Variants in CLEC16A observed in about 807,000 individuals in gnomAD.
The protein encoded by CLEC16A is protein CLEC16A.
A neutral mutation model predicts 109.5 loss-of-function variants in CLEC16A; 51 were observed. The observed-to-expected ratio is 0.47, with a 90% confidence interval of 0.37 to 0.59. The LOEUF is 0.59. CLEC16A is among the 20% of genes least tolerant of loss of function. The pLI is 0.00. For missense variants in CLEC16A, 1,339 were observed against 1,394.0 expected, an observed-to-expected ratio of 0.96 and a Z score of 0.63; for synonymous variants, 673 against 564.2, an observed-to-expected ratio of 1.19 and a Z score of -2.73.
intron 19 of CLEC16A, among the ~76,000 whole-genome samples, chr16:11,103,901 G>A (rs768094603): frequency 1.3e-5 from 2 of 152,188 alleles, no homozygotes; most frequent in Non-Finnish European, 1.5e-5. Flanking sequence ...GGCCTATGTC[G>A]GAGGAGAATC....
chr16:11,006,549 G>C (rs1398602303), intron 11 of CLEC16A, among the ~76,000 whole-genome samples: 1 of 152,210 alleles, frequency 6.6e-6, no homozygotes, highest in Non-Finnish European at 1.5e-5. Context: ...TAAGGAAAGA[G>C]ATGCTGACAC....
intron 21 of CLEC16A, among the ~76,000 whole-genome samples, chr16:11,124,823 A>T (rs958045259): frequency 1.3e-5 from 2 of 152,168 alleles, no homozygotes; most frequent in African/African-American, 4.8e-5. Flanking sequence ...ACGGTGGTTC[A>T]TGTCTGTAAT....
intron 11 of CLEC16A, among the ~76,000 whole-genome samples, chr16:11,004,067 C>G (rs892336832): frequency 6.6e-6 from 1 of 151,626 alleles, no homozygotes; most frequent in Non-Finnish European, 1.5e-5. Context: ...TAAGTCCTGT[C>G]TGTTTAGAAT....
At position 11,054,048 on chromosome 16, in the gene CLEC16A, C is replaced by A. The variant is rs141307070; in HGVS notation, c.1995+2407C>A. Among the ~76,000 whole-genome samples the A allele has an allele frequency of 1.6e-4, 24 of 152,372 alleles. No homozygotes were observed. The East Asian group carries it at 4.6e-3, about 29-fold the overall frequency. ...TAGGCCCAGAGACAGGTGGCACATT[C>A]TGGCACCAACACGGCAGTGATTGCA... On this transcript the variant is annotated intron_variant, in intron 18 of 23. Coordinates refer to ENST00000409790, the MANE Select transcript of CLEC16A (RefSeq NM_015226.3).
At chr16:11,058,585 A>G (rs1459488809) in intron 18 of CLEC16A, among the ~76,000 whole-genome samples, 1 of 151,798 alleles carries the variant, frequency 6.6e-6, no homozygotes, top group Admixed American at 6.6e-5. Context: ...GAACCCATGG[A>G]TACAGAGAGC....
At chr16:11,137,922 G>A (rs1363020084) in intron 22 of CLEC16A, among the ~76,000 whole-genome samples, 1 of 152,244 alleles carries the variant, frequency 6.6e-6, no homozygotes, top group Non-Finnish European at 1.5e-5. Context: ...TCAAAAGGCA[G>A]AGATGCAGCA....
intron 19 of CLEC16A, among the ~76,000 whole-genome samples, chr16:11,090,682 T>C (rs1446559148): frequency 6.6e-6 from 1 of 152,146 alleles, no homozygotes; most frequent in Non-Finnish European, 1.5e-5. Flanking sequence ...TCTCGCTCTG[T>C]TGTTCAGGCT....
At position 11,129,558 on chromosome 16, in the gene CLEC16A, A is replaced by G. The variant is rs74695836; in HGVS notation, c.2641+3412A>G. Among the ~76,000 whole-genome samples the G allele has an allele frequency of 9.3e-4, 141 of 152,344 alleles. 1 individual carries two copies. The highest frequency in any genetic ancestry group is 3.4e-3 in the Middle Eastern group (1 of 294). On this transcript the variant is annotated intron_variant, in intron 22 of 23. Coordinates refer to ENST00000409790, the MANE Select transcript of CLEC16A (RefSeq NM_015226.3). ...TATTTTTATGAAAACAAGGATTTCC[A>G]GACCACACTTTGAGACCCACTCCTG...
In CLEC16A at chr16:11,181,465, C is replaced by T. The variant is rs1463258484; in HGVS notation, c.*2775C>T. The T allele has an allele frequency of 3.3e-5, 5 of 152,396 alleles. No homozygotes were observed. Among genetic ancestry groups the T allele is most frequent in the African/African-American group, 1.2e-4 (5 of 41,474 alleles). The allele number at this position is 152,396 out of a possible 1,614,324, so 9.4% of individuals were successfully genotyped here. A position where few individuals can be genotyped will look rare whatever the true frequency, so the allele number is the denominator to read the frequency against. ...ATGGCCCAGGCCCTGGTCCACCCTTCCCCTGTGCACCTCCGGCTGGGTTTG... is the reference window on the plus strand; with the variant it reads ...ATGGCCCAGGCCCTGGTCCACCCTTTCCCTGTGCACCTCCGGCTGGGTTTG... On this transcript the variant is annotated 3_prime_UTR_variant, in exon 24 of 24. Transcript: ENST00000409790.
intron 10 of CLEC16A, among the ~76,000 whole-genome samples, chr16:10,994,046 G>C (rs1336721088): frequency 6.6e-6 from 1 of 152,224 alleles, no homozygotes; most frequent in African/African-American, 2.4e-5. Flanking sequence ...TGAGCACGCG[G>C]CTGCAAGAGG....
At chr16:11,008,015 A>G (rs972662315) in intron 11 of CLEC16A, among the ~76,000 whole-genome samples, 2 of 152,146 alleles carry the variant, frequency 1.3e-5, no homozygotes, top group Non-Finnish European at 2.9e-5. Context: ...GCTGGGCAGT[A>G]GAAGATAATA....
At chr16:11,009,495 G>A (rs1022210611) in intron 11 of CLEC16A, among the ~76,000 whole-genome samples, 7 of 152,158 alleles carry the variant, frequency 4.6e-5, no homozygotes, top group South Asian at 2.1e-4. Flanking sequence ...AAAATGAGTT[G>A]GAGATTTGAG....
intron 8 of CLEC16A, among the ~76,000 whole-genome samples, chr16:10,978,045 A>C (rs1459636844): frequency 6.6e-6 from 1 of 152,222 alleles, no homozygotes; most frequent in Non-Finnish European, 1.5e-5. Flanking sequence ...TAGTTGCCAG[A>C]ACCCACTGAT....
At chr16:11,025,303 A>T (rs1437939922) in intron 13 of CLEC16A, among the ~76,000 whole-genome samples, 1 of 152,208 alleles carries the variant, frequency 6.6e-6, no homozygotes, top group East Asian at 1.9e-4. Flanking sequence ...TGCTATTTAT[A>T]ACACTTGGTG....
intron 22 of CLEC16A, among the ~76,000 whole-genome samples, chr16:11,134,603 A>G (rs1471809672): frequency 6.6e-6 from 1 of 152,188 alleles, no homozygotes; most frequent in Non-Finnish European, 1.5e-5. Flanking sequence ...ATTTGGGGGA[A>G]TTTTGGAATA....
At position 11,174,322 on chromosome 16, in the gene CLEC16A, C is replaced by T. The variant is rs1364977718; in HGVS notation, c.2807-4013C>T. 2.3e-6 allele frequency: 1 copy of T among 430,296 alleles called. No individual in the cohort carries two copies. Among genetic ancestry groups the T allele is most frequent in the East Asian group, 7.4e-5 (1 of 13,560 alleles). 26.7% of individuals were successfully genotyped at this position (430,296 alleles called of 1,614,324 possible). ...CGCTCGGGCCGCGACGTCCACTCGC[C>T]ACGCTGCATTTCCACAGTCGGCAGG... On this transcript the variant is annotated intron_variant, in intron 23 of 23. Transcript: ENST00000409790. This position sits in a 1 kb window ranked among gnomAD's most constrained non-coding sequence, Gnocchi z 4.7.
chr16:11,160,050 A>G (rs1350951506), intron 22 of CLEC16A, among the ~76,000 whole-genome samples: 2 of 152,104 alleles, frequency 1.3e-5, no homozygotes, highest in Non-Finnish European at 2.9e-5. Context: ...CTTCCCTTTC[A>G]GCTCCCTAAA....
chr16:10,949,609 C>G (rs1237316960), intron 1 of CLEC16A, among the ~76,000 whole-genome samples: 1 of 152,162 alleles, frequency 6.6e-6, no homozygotes, highest in Non-Finnish European at 1.5e-5. Flanking sequence ...TTGGCAGTCT[C>G]CAGAGGCCAG....
intron 19 of CLEC16A, among the ~76,000 whole-genome samples, chr16:11,093,557 C>A (rs1308636210): frequency 2.0e-5 from 3 of 152,186 alleles, no homozygotes; most frequent in Non-Finnish European, 4.4e-5. Flanking sequence ...CATATCTATA[C>A]CGCCTGGCAC....
Sources: gnomAD v4.1 joint callset for allele counts (sites outside exome capture counted in the v4.1 genomes callset) on GRCh38, gnomAD v4.1.1 for gene constraint, Gnocchi (gnomAD v3.1) non-coding constraint, MANE v1.5 for transcripts, NCBI Gene and HGNC (gene_info 2026-07-23, HGNC 2026-07-21) for gene names.